Variants in ZNF148 observed in about 807,000 individuals in gnomAD.
The protein encoded by ZNF148 is zinc finger protein 148.
Under a neutral mutation model 67.7 loss-of-function variants are expected in ZNF148, and 7 were observed. The ratio of observed to expected loss-of-function variants is 0.10; its 90% CI spans 0.06 to 0.19. ZNF148 has a LOEUF of 0.19. Among genes scored for constraint, ZNF148 ranks in the 10% least tolerant of loss-of-function variants. ZNF148 has a pLI of 1.00. For synonymous variants in ZNF148, 333 were observed against 330.7 expected (o/e 1.01, Z -0.08); for missense variants, 583 against 947.1 (o/e 0.62, Z 5.05).
intron 7 of ZNF148, among the ~76,000 whole-genome samples, 168 bp from the exon 8 acceptor site, chr3:125,234,497 G>A (rs1269121912): frequency 1.3e-5 from 2 of 152,096 alleles, no homozygotes; most frequent in African/African-American, 4.8e-5. Flanking sequence ...ATATGCTATT[G>A]GAAAGAAAAG....
At chr3:125,370,337 A>C (rs1171430098) in intron 1 of ZNF148, among the ~76,000 whole-genome samples, 2 of 152,164 alleles carry the variant, frequency 1.3e-5, no homozygotes, top group Non-Finnish European at 1.5e-5. Context: ...AGTTTTGCCT[A>C]CAATACCCCC....
At chr3:125,260,482 C>T (rs1367705184) in intron 7 of ZNF148, among the ~76,000 whole-genome samples, 1 of 152,128 alleles carries the variant, frequency 6.6e-6, no homozygotes, top group Non-Finnish European at 1.5e-5. Context: ...CTTTCAAATG[C>T]ACTATACTAA....
At chr3:125,266,354 T>C (rs1020822841) in intron 7 of ZNF148, among the ~76,000 whole-genome samples, 3 of 152,082 alleles carry the variant, frequency 2.0e-5, no homozygotes, top group African/African-American at 7.2e-5. Context: ...TTCAAAAAAA[T>C]GGAAGTCATA....
In ZNF148 at chr3:125,245,357, C is replaced by T. The variant is rs148245208; in HGVS notation, c.668-11028G>A. Among the ~76,000 whole-genome samples, 514 of 152,294 alleles carry T rather than the reference C, an allele frequency of 3.4e-3. 4 individuals are homozygous for T. The highest frequency in any genetic ancestry group is 0.012 in the African/African-American group (481 of 41,558). ...TTCTAAAACAATTTTCCTGCTCTTGCTCGCTTTCTCTCACCTGCCACCACG... is the reference window on the plus strand; with the variant it reads ...TTCTAAAACAATTTTCCTGCTCTTGTTCGCTTTCTCTCACCTGCCACCACG... On this transcript the variant is annotated intron_variant, in intron 7 of 8. Transcript: ENST00000360647.
rs1402193799 is a variant in ZNF148, at chr3:125,233,273, T to C, written c.1453A>G (p.Arg485Gly). 6.2e-7 allele frequency: 1 copy of C among 1,613,764 alleles called. No individual in the cohort carries two copies. The highest frequency in any genetic ancestry group is 1.3e-5 in the African/African-American group (1 of 74,892). Residue 485 changes from arginine to glycine, a missense_variant, in exon 9 of 9, where the codon AGG becomes GGG. By Grantham distance (125) the Arg-to-Gly change is moderately radical. Transcript: ENST00000360647. The surrounding 1 kb of genome is among the most constrained non-coding windows in gnomAD (Gnocchi z 5.1). Reference sequence around the variant, plus strand: ...GTACCCACATTCAGCGCATATTCCCTGCTGTTGTTACTTGCTGCTTGAAGA... The same window carrying C: ...GTACCCACATTCAGCGCATATTCCCCGCTGTTGTTACTTGCTGCTTGAAGA... ...RYLQAASNNS[R>G]EYALNVGTIA...
chr3:125,349,228 G>A (rs980731554), intron 1 of ZNF148, among the ~76,000 whole-genome samples: 1 of 152,158 alleles, frequency 6.6e-6, no homozygotes, highest in African/African-American at 2.4e-5. Context: ...ACAGACAAGT[G>A]AGATTACATC....
intron 3 of ZNF148, among the ~76,000 whole-genome samples, chr3:125,316,680 T>G (rs1273533875): frequency 6.6e-6 from 1 of 152,160 alleles, no homozygotes; most frequent in African/African-American, 2.4e-5. Flanking sequence ...TTTTGCCCAT[T>G]TTTTGATTGA....
At chr3:125,353,889 C>T (rs1284650076) in intron 1 of ZNF148, among the ~76,000 whole-genome samples, 2 of 152,034 alleles carry the variant, frequency 1.3e-5, no homozygotes, top group African/African-American at 4.8e-5. Flanking sequence ...GCCTGGGCAA[C>T]ATAGCAAGAC....
rs978321001 is a variant in ZNF148 at position 125,228,131 on chromosome 3, C to G, written c.*4210G>C. 7.9e-5 allele frequency: 12 copies of G among 152,532 alleles called. No individual in the cohort carries two copies. Among genetic ancestry groups the G allele is most frequent in the African/African-American group, 1.2e-4 (5 of 41,418 alleles). 9.4% of individuals were successfully genotyped at this position (152,532 alleles called of 1,614,324 possible). On this transcript the variant is annotated 3_prime_UTR_variant, in exon 9 of 9. Coordinates refer to ENST00000360647, the MANE Select transcript of ZNF148 (RefSeq NM_021964.3). The stretch of plus-strand genomic sequence containing the variant: ...TTTCACAATGGAGCTGAAGTCACCT[C>G]AAAACTTACGGGCTTGAATCTAAAA...
At chr3:125,234,393 A>G in intron 7 of ZNF148, 64 bp from the exon 8 acceptor site, 4 of 1,136,860 alleles carry the variant, frequency 3.5e-6, no homozygotes, top group Non-Finnish European at 5.1e-6. Flanking sequence ...TTGCTTTGCC[A>G]TAAGAATCTC....
In ZNF148 at chr3:125,279,164, T is replaced by C. The variant is rs773355931; in HGVS notation, c.543A>G (p.Arg181=). The C allele has an allele frequency of 5.0e-6, 8 of 1,609,798 alleles. No homozygotes were observed. The East Asian group carries it at 1.1e-4, about 22-fold the overall frequency. Residue 181 remains arginine (R), a synonymous_variant, in exon 6 of 9, where the codon AGA becomes AGG. Transcript: ENST00000360647. ...HVCEHCNAAF[R]TNYHLQRHVF... ...CATGTCTCTGTAAGTGATAGTTCGT[T>C]CTAAAGGCAGCATTGCAGTGCTCAC...
intron 1 of ZNF148, among the ~76,000 whole-genome samples, chr3:125,374,400 C>T (rs1942991182): frequency 6.6e-6 from 1 of 152,176 alleles, no homozygotes; most frequent in African/African-American, 2.4e-5. Context: ...GCTTCAAACG[C>T]GATCCTTTCT....
chr3:125,304,025 A>C (rs1481394378), intron 4 of ZNF148, among the ~76,000 whole-genome samples: 2 of 152,126 alleles, frequency 1.3e-5, no homozygotes, highest in East Asian at 3.9e-4. Context: ...TATAATTTTA[A>C]AATAAAAAAA....
In ZNF148 at chr3:125,360,039, A is replaced by C. The variant is rs1942488271; in HGVS notation, c.-234+15063T>G. ...CCAGTTTAATAAAAATATTACACTT[A>C]ATGATGCTTGTCAATATCCTCGCCC... On this transcript the variant is annotated intron_variant, in intron 1 of 8. Coordinates refer to ENST00000360647, the MANE Select transcript of ZNF148 (RefSeq NM_021964.3). Among the ~76,000 whole-genome samples, 2 of 152,174 alleles carry C rather than the reference A, an allele frequency of 1.3e-5. 1 individual carries two copies. Among genetic ancestry groups the C allele is most frequent in the South Asian group, 4.1e-4 (2 of 4,832 alleles).
At chr3:125,346,784 A>G (rs548278876) in intron 1 of ZNF148, among the ~76,000 whole-genome samples, 1 of 152,242 alleles carries the variant, frequency 6.6e-6, no homozygotes, top group East Asian at 1.9e-4. Context: ...CTCTTTATAA[A>G]TTACCCAGGC....
chr3:125,362,015 T>A (rs1276997726), intron 1 of ZNF148, among the ~76,000 whole-genome samples: 2 of 152,150 alleles, frequency 1.3e-5, no homozygotes, highest in Non-Finnish European at 2.9e-5. Context: ...CTCTCCAGAA[T>A]ATCATGACCT....
At chr3:125,243,266 T>C (rs1029913081) in intron 7 of ZNF148, among the ~76,000 whole-genome samples, 4 of 152,182 alleles carry the variant, frequency 2.6e-5, no homozygotes, top group African/African-American at 7.2e-5. Flanking sequence ...GAGTGTTTTC[T>C]TCTGTTATAT....
chr3:125,360,771 A>C (rs1478077124), intron 1 of ZNF148, among the ~76,000 whole-genome samples: 1 of 151,358 alleles, frequency 6.6e-6, no homozygotes, highest in Non-Finnish European at 1.5e-5. Context: ...TTGAGACCAG[A>C]AGTTTAAGAC....
intron 2 of ZNF148, among the ~76,000 whole-genome samples, chr3:125,327,702 T>C (rs1941090862): frequency 1.3e-5 from 2 of 152,188 alleles, no homozygotes; most frequent in South Asian, 4.1e-4. Flanking sequence ...GAATTGAATT[T>C]GATATCAACT....
Sources: gnomAD v4.1 joint callset for allele counts (sites outside exome capture counted in the v4.1 genomes callset) on GRCh38, gnomAD v4.1.1 for gene constraint, Gnocchi (gnomAD v3.1) non-coding constraint, MANE v1.5 for transcripts, NCBI Gene and HGNC (gene_info 2026-07-23, HGNC 2026-07-21) for gene names.